PHKA1: variants seen among roughly 807,000 people sequenced by gnomAD.
The protein encoded by PHKA1 is phosphorylase kinase regulatory subunit alpha 1.
Under a neutral mutation model 110.2 loss-of-function variants are expected in PHKA1, and 60 were observed. That is an observed-to-expected ratio of 0.54 (90% CI 0.44 to 0.68). The LOEUF (loss-of-function observed/expected upper bound fraction) is 0.68. Ranked by LOEUF, PHKA1 falls within the 30% of genes least tolerant of loss-of-function variation. The pLI is 0.00. For missense variants in PHKA1, 801 were observed against 942.5 expected, an observed-to-expected ratio of 0.85 and a Z score of 1.97; for synonymous variants, 316 against 333.6, an observed-to-expected ratio of 0.95 and a Z score of 0.58.
chrX:72,594,203 T>C (rs2052561155), intron 28 of PHKA1, among the ~76,000 whole-genome samples: 1 of 109,593 alleles, frequency 9.1e-6, no homozygotes, highest in African/African-American at 3.3e-5. Context: ...AAAGAAAGGA[T>C]AAATGTCTCA....
intron 29 of PHKA1, among the ~76,000 whole-genome samples, chrX:72,592,454 G>A (rs899957450): frequency 1.8e-5 from 2 of 112,677 alleles, no homozygotes; most frequent in Non-Finnish European, 3.7e-5. Context: ...GAGCATAATA[G>A]TGTTCTTGGC....
intron 14 of PHKA1, 63 bp downstream of exon 14, chrX:72,644,299 A>G (rs1327047404): frequency 2.7e-6 from 3 of 1,123,811 alleles, no homozygotes; most frequent in African/African-American, 1.8e-5. Flanking sequence ...AGAAGAAAAA[A>G]GGATGGAAAC....
In PHKA1 at chrX:72,685,358, A is replaced by G. The variant is rs1226298993; in HGVS notation, c.455-778T>C. Among the ~76,000 whole-genome samples the G allele has an allele frequency of 2.7e-5, 3 of 111,602 alleles. No individual in the cohort carries two copies. The East Asian group carries it at 8.3e-4, about 31-fold the overall frequency. On this transcript the variant is annotated intron_variant, in intron 4 of 31. Transcript: ENST00000373542. Reference sequence around the variant, plus strand: ...CCCCCTCAAACATACAGAACTACACAAATATATAACCAGGAGGATGTTAGT... The same window carrying G: ...CCCCCTCAAACATACAGAACTACACGAATATATAACCAGGAGGATGTTAGT...
At chrX:72,685,909 T>C (rs1460616360) in intron 4 of PHKA1, among the ~76,000 whole-genome samples, 2 of 111,881 alleles carry the variant, frequency 1.8e-5, no homozygotes, top group Non-Finnish European at 3.8e-5. Flanking sequence ...AACAGATGTG[T>C]TGGTTTAATG....
intron 13 of PHKA1, among the ~76,000 whole-genome samples, chrX:72,647,006 C>T (rs1440033086): frequency 3.6e-5 from 4 of 110,115 alleles, no homozygotes; most frequent in African/African-American, 1.3e-4. Context: ...GAGGTGCGTG[C>T]CTGTAATCCC....
In PHKA1 at chrX:72,711,410, C is replaced by G. The variant is rs782645386; in HGVS notation, c.237+1369G>C. On this transcript the variant is annotated intron_variant, in intron 2 of 31. Transcript: ENST00000373542. Reference sequence around the variant, plus strand: ...GATTACAGGTGAATTTTTTTAAACACTCTTCTATATTTTCCAAATTTCTAC... The same window carrying G: ...GATTACAGGTGAATTTTTTTAAACAGTCTTCTATATTTTCCAAATTTCTAC... Among the ~76,000 whole-genome samples, 7 of 110,779 alleles carry G rather than the reference C, an allele frequency of 6.3e-5. No homozygotes were observed. The East Asian group carries it at 1.7e-3, about 27-fold the overall frequency.
chrX:72,671,424 A>G (rs1439983487), intron 6 of PHKA1, among the ~76,000 whole-genome samples: 9 of 111,435 alleles, frequency 8.1e-5, no homozygotes, highest in African/African-American at 9.8e-5. Context: ...CCACTACTCA[A>G]TGAAATAAAA....
At chrX:72,624,724 C>T (rs1569433508) in intron 17 of PHKA1, among the ~76,000 whole-genome samples, 1 of 111,331 alleles carries the variant, frequency 9.0e-6, no homozygotes, top group Non-Finnish European at 1.9e-5. Flanking sequence ...TTGTGCCTCT[C>T]CTAACCATTG....
chrX:72,652,429 G>A, intron 12 of PHKA1, 115 bp downstream of exon 12: 1 of 540,607 alleles, frequency 1.8e-6, no homozygotes, highest in Non-Finnish European at 3.3e-6. Context: ...CTATAATTAA[G>A]GCAAAGTGCA....
rs782762826 is a variant in PHKA1, at chrX:72,667,434, C to A, written c.658G>T (p.Val220Leu). 2 of 1,210,736 alleles carry A rather than the reference C, an allele frequency of 1.7e-6. No homozygotes were observed. Among genetic ancestry groups the A allele is most frequent in the Non-Finnish European group, 1.1e-6 (1 of 894,560 alleles). Residue 220 changes from valine (V) to leucine (L), a missense_variant, in exon 7 of 32, where the codon GTG becomes TTG. Coordinates refer to ENST00000373542, the MANE Select transcript of PHKA1 (RefSeq NM_002637.4). ...ATAACTGATTGAGGCCCACCTTTCA[C>A]ACCAAACAGATCCAGTTCATCTAAT... is the stretch of plus-strand genomic sequence containing the variant. ...EALDELDLFGVKGGPQSVIHV... is the reference protein window; with the variant it reads ...EALDELDLFGLKGGPQSVIHV...
chrX:72,604,415 T>C (rs1409704006), intron 25 of PHKA1, among the ~76,000 whole-genome samples: 1 of 111,566 alleles, frequency 9.0e-6, no homozygotes, highest in African/African-American at 3.3e-5. Context: ...GTATCTGGCA[T>C]ATGGTAGGTA....
Position 72,656,257 on chromosome X carries a change from A to G in PHKA1, c.919-15T>C. On this transcript the variant is annotated splice_polypyrimidine_tract_variant and intron_variant, in intron 9 of 31. Coordinates refer to ENST00000373542, the MANE Select transcript of PHKA1 (RefSeq NM_002637.4). The stretch of plus-strand genomic sequence containing the variant: ...CGATTGGGATCCTAGTAAAAACACA[A>G]TAAAGTCTGTCATCACTCAGAGGTT... The G allele has an allele frequency of 1.7e-6, 2 of 1,206,157 alleles. No individual in the cohort carries two copies. The highest frequency in any genetic ancestry group is 1.8e-5 in the South Asian group (1 of 56,826).
intron 4 of PHKA1, 146 bp downstream of exon 4, chrX:72,695,562 T>G: frequency 1.6e-5 from 9 of 568,718 alleles, no homozygotes; most frequent in Non-Finnish European, 2.3e-5. Context: ...TGCCATCTCA[T>G]GATATCTGAG....
intron 30 of PHKA1, 91 bp from the exon 31 acceptor site, chrX:72,582,689 G>T: frequency 1.7e-6 from 1 of 597,428 alleles, no homozygotes; most frequent in Non-Finnish European, 2.8e-6. Context: ...AAACACTGTA[G>T]CCATGAGCAT....
At chrX:72,591,303 A>C (rs1162431098) in intron 29 of PHKA1, among the ~76,000 whole-genome samples, 1 of 111,557 alleles carries the variant, frequency 9.0e-6, no homozygotes, top group Non-Finnish European at 1.9e-5. Context: ...TGAGCAAACT[A>C]TCACAAGGAC....
intron 13 of PHKA1, among the ~76,000 whole-genome samples, chrX:72,648,120 G>A (rs1162654550): frequency 2.7e-5 from 3 of 111,790 alleles, no homozygotes; most frequent in Non-Finnish European, 5.6e-5. Flanking sequence ...GCTATATAGT[G>A]TAACTAGAGG....
At chrX:72,586,906 A>C (rs2052440014) in intron 29 of PHKA1, among the ~76,000 whole-genome samples, 1 of 110,686 alleles carries the variant, frequency 9.0e-6, no homozygotes, top group Non-Finnish European at 1.9e-5. Flanking sequence ...GAAACGAACA[A>C]AGCCTCCAAG....
At position 72,677,926 on chromosome X, in the gene PHKA1, T is replaced by C. The variant is rs1384220392; in HGVS notation, c.538-1776A>G. ...TTAGTCAGGCATGATGGTGCTTCTA[T>C]AGTTCCAACTACTAGGGAGGATGAA... On this transcript the variant is annotated intron_variant, in intron 5 of 31. Transcript: ENST00000373542. 2.7e-5 allele frequency among the ~76,000 whole-genome samples: 3 copies of C among 110,701 alleles called. No homozygotes were observed. In the East Asian group the frequency reaches 8.5e-4, roughly 31 times the overall value.
At chrX:72,594,780 G>GTC (rs1321074221) in intron 28 of PHKA1, among the ~76,000 whole-genome samples, 1 of 112,447 alleles carries the variant, frequency 8.9e-6, no homozygotes. Context: ...GTTAGACTCT[G>GTC]TCTCAAACGA....
Sources: allele counts gnomAD v4.1 joint callset (sites outside exome capture counted in the v4.1 genomes callset), GRCh38; gene constraint gnomAD v4.1.1; transcripts MANE v1.5; gene names NCBI Gene and HGNC (gene_info 2026-07-23, HGNC 2026-07-21).